KAT6A: variants seen among roughly 807,000 people sequenced by gnomAD.
The protein encoded by KAT6A is lysine acetyltransferase 6A.
Under a neutral mutation model 198.4 loss-of-function variants are expected in KAT6A, and 9 were observed. The ratio of observed to expected loss-of-function variants is 0.05; its 90% confidence interval spans 0.03 to 0.08. KAT6A has a LOEUF of 0.08. Among genes scored for constraint, KAT6A ranks in the 10% least tolerant of loss-of-function variants. KAT6A has a pLI of 1.00. For synonymous variants in KAT6A, 890 were observed against 883.0 expected, an observed-to-expected ratio of 1.01 and a Z score of -0.14; for missense variants, 2,077 against 2,509.9, an observed-to-expected ratio of 0.83 and a Z score of 3.69.
intron 5 of KAT6A, 49 bp from the exon 6 acceptor site, chr8:41,978,826 C>T: frequency 6.4e-7 from 1 of 1,562,106 alleles, no homozygotes; most frequent in Non-Finnish European, 8.8e-7. Flanking sequence ...CATAAATACA[C>T]TGAAAGGTTT....
rs1216707880 is a variant in KAT6A at position 42,017,682 on chromosome 8, G to A, written c.601-30119C>T. On this transcript the variant is annotated intron_variant, in intron 2 of 16. Coordinates refer to ENST00000265713, the MANE Select transcript of KAT6A (RefSeq NM_006766.5). ...TAAGAAGAGCATGGCAAGAGATGAA[G>A]TTGCAATAAAGGCAAGGAAGCCCGA... Among the ~76,000 whole-genome samples the A allele has an allele frequency of 2.0e-5, 3 of 152,050 alleles. No homozygotes were observed. The South Asian group carries it at 6.2e-4, about 31-fold the overall frequency.
chr8:41,959,747 A>T (rs1225797586), intron 8 of KAT6A, among the ~76,000 whole-genome samples: 1 of 152,090 alleles, frequency 6.6e-6, no homozygotes, highest in Non-Finnish European at 1.5e-5. Context: ...TCATGAGGTC[A>T]AGAGATTGAG....
intron 2 of KAT6A, among the ~76,000 whole-genome samples, chr8:42,033,324 G>C (rs1306595877): frequency 6.6e-6 from 1 of 152,104 alleles, no homozygotes; most frequent in Non-Finnish European, 1.5e-5. Context: ...TGCTGGCTTG[G>C]AAGTTACCCT....
At chr8:41,998,928 A>G (rs1265147114) in intron 2 of KAT6A, among the ~76,000 whole-genome samples, 1 of 152,146 alleles carries the variant, frequency 6.6e-6, no homozygotes, top group Non-Finnish European at 1.5e-5. Context: ...AATTTTAATC[A>G]ATTCCAACAT....
At chr8:42,050,967 T>C (rs1056245698) in intron 1 of KAT6A, among the ~76,000 whole-genome samples, 2 of 152,002 alleles carry the variant, frequency 1.3e-5, no homozygotes, top group African/African-American at 4.8e-5. Flanking sequence ...TCCCCACCCC[T>C]AAACACGTCT....
intron 8 of KAT6A, among the ~76,000 whole-genome samples, chr8:41,969,106 T>C (rs536121963): frequency 1.1e-4 from 17 of 152,276 alleles, no homozygotes; most frequent in South Asian, 1.0e-3. Flanking sequence ...TTCTAGAACA[T>C]AGCAGGCACT....
chr8:41,948,706 T>G (rs1039040755), intron 10 of KAT6A, among the ~76,000 whole-genome samples: 1 of 152,198 alleles, frequency 6.6e-6, no homozygotes, highest in African/African-American at 2.4e-5. Flanking sequence ...ACTCCTCTAC[T>G]GATCACTTAA....
At chr8:42,015,688 T>C (rs933772968) in intron 2 of KAT6A, among the ~76,000 whole-genome samples, 1 of 152,238 alleles carries the variant, frequency 6.6e-6, no homozygotes, top group African/African-American at 2.4e-5. Flanking sequence ...GAAGGATATT[T>C]TTCATTTGAA....
At chr8:41,995,477 C>G (rs566627257) in intron 2 of KAT6A, among the ~76,000 whole-genome samples, 1 of 152,134 alleles carries the variant, frequency 6.6e-6, no homozygotes, top group African/African-American at 2.4e-5. Flanking sequence ...GTGGATGATT[C>G]GGTAACAAGC....
intron 2 of KAT6A, chr8:42,043,547 G>C (rs969896710): frequency 4.6e-5 from 7 of 152,054 alleles, no homozygotes; most frequent in Admixed American, 2.0e-4. Flanking sequence ...CTAATCTTTG[G>C]TTCCTAACAC....
At chr8:42,033,309 T>C (rs576869170) in intron 2 of KAT6A, among the ~76,000 whole-genome samples, 5 of 152,326 alleles carry the variant, frequency 3.3e-5, no homozygotes, top group African/African-American at 9.6e-5. Context: ...TAAAAAGATG[T>C]ATCCTGCTGG....
At chr8:41,999,254 G>A (rs1033391403) in intron 2 of KAT6A, among the ~76,000 whole-genome samples, 6 of 152,118 alleles carry the variant, frequency 3.9e-5, no homozygotes, top group African/African-American at 2.4e-5. Context: ...ACTGCAAAGC[G>A]TTATCTTCCT....
chr8:41,943,839 T>G lies in KAT6A; in HGVS notation c.2137A>C (p.Ile713Leu), dbSNP rs1822256903. The change falls in exon 13 of 17, where the codon ATT (isoleucine) becomes CTT (leucine). Residue 713 changes from isoleucine (I) to leucine (L), a missense_variant. This residue lies in a region of KAT6A where 127 missense variants were observed against 209.6 expected (regional missense o/e 0.61). Transcript: ENST00000265713. ...LYHQNDKQIS[I>L]KKLSKLTGIC... ...CCAGTCAACTTGCTTAACTTCTTAA[T>G]GCTGATCTGCTTGTCATTTTGGTGA... The G allele has an allele frequency of 1.2e-6, 2 of 1,614,002 alleles. No individual in the cohort carries two copies. Among genetic ancestry groups the G allele is most frequent in the East Asian group, 4.5e-5 (2 of 44,842 alleles).
intron 6 of KAT6A, among the ~76,000 whole-genome samples, chr8:41,978,377 T>C (rs1824173189): frequency 6.6e-6 from 1 of 152,224 alleles, no homozygotes; most frequent in African/African-American, 2.4e-5. Context: ...TTACTATGCC[T>C]TAGTTTCTTC....
chr8:41,976,035 G>C (rs1824033565), intron 7 of KAT6A, among the ~76,000 whole-genome samples: 1 of 152,176 alleles, frequency 6.6e-6, no homozygotes, highest in African/African-American at 2.4e-5. Flanking sequence ...GTAATTAGTT[G>C]ATCATCACTA....
rs2150855974 is a variant in KAT6A, at chr8:41,933,654, G to A, written c.4566C>T (p.Pro1522=). ...ISPEQGSLSA[P]SMQNMETSPM... ...GGCTGGTCTCCATGTTCTGCATAGA[G>A]GGTGCGGACAGGGATCCTTGTTCTG... The change falls in exon 17 of 17, where the codon CCC becomes CCT. Residue 1522 remains proline, a synonymous_variant. Transcript: ENST00000265713. This position sits in a 1 kb window ranked among gnomAD's most constrained non-coding sequence, Gnocchi z 6.2. The A allele has an allele frequency of 6.2e-7, 1 of 1,614,162 alleles. No individual in the cohort carries two copies. Among genetic ancestry groups the A allele is most frequent in the Non-Finnish European group, 8.5e-7 (1 of 1,180,034 alleles).
intron 2 of KAT6A, among the ~76,000 whole-genome samples, chr8:42,034,051 C>CAGAA (rs1403283039): frequency 6.6e-6 from 1 of 151,982 alleles, no homozygotes; most frequent in Non-Finnish European, 1.5e-5. Flanking sequence ...GAGGAAGAAA[C>CAGAA]AGAAAGAAAC....
chr8:41,946,350 A>G (rs1822385694), intron 12 of KAT6A, among the ~76,000 whole-genome samples: 1 of 151,750 alleles, frequency 6.6e-6, no homozygotes, highest in South Asian at 2.1e-4. Flanking sequence ...CAATCCTCCC[A>G]CCCCAGTTTC....
chr8:42,046,725 T>G (rs923447837), intron 2 of KAT6A, among the ~76,000 whole-genome samples: 1 of 152,200 alleles, frequency 6.6e-6, no homozygotes, highest in African/African-American at 2.4e-5. Context: ...TTTCTACAGG[T>G]AAGAGTTCTT....
Sources: allele counts gnomAD v4.1 joint callset (sites outside exome capture counted in the v4.1 genomes callset), GRCh38; gene constraint gnomAD v4.1.1; regional missense constraint gnomAD v4.1.1; non-coding constraint Gnocchi (gnomAD v3.1); transcripts MANE v1.5; gene names NCBI Gene and HGNC (gene_info 2026-07-23, HGNC 2026-07-21).